The following ZNF532 variants were observed in gnomAD, a reference collection of about 807,000 sequenced individuals.
The protein encoded by ZNF532 is zinc finger protein 532.
In ZNF532, 22 loss-of-function variants were observed where a neutral mutation model predicts 89.3. The observed-to-expected ratio is 0.25, with a 90% CI of 0.18 to 0.35. The LOEUF is 0.35. Among genes scored for constraint, ZNF532 ranks in the 10% least tolerant of loss-of-function variants. The pLI is 1.00. For synonymous variants in ZNF532, 606 were observed against 649.6 expected (o/e 0.93, Z 1.02); for missense variants, 1,132 against 1,643.4 (o/e 0.69, Z 5.38).
At chr18:58,885,128 G>A (rs1362574530) in intron 2 of ZNF532, among the ~76,000 whole-genome samples, 4 of 151,818 alleles carry the variant, frequency 2.6e-5, no homozygotes, top group African/African-American at 9.7e-5. Flanking sequence ...AGCTGGGATT[G>A]CAGGCATGTG....
intron 7 of ZNF532, among the ~76,000 whole-genome samples, chr18:58,959,510 C>T (rs2065143504): frequency 6.6e-6 from 1 of 152,048 alleles, no homozygotes; most frequent in African/African-American, 2.4e-5. Context: ...CCTCGGCCTC[C>T]CAAAGTGCTG....
chr18:58,942,354 CCTTCCTTCCTTCCTTCCTTCCTTCCTT>C lies in ZNF532; in HGVS notation c.2705+2735_2705+2761del, dbSNP rs2063247945. ...CCCTCCCTCCCTCCCTCCCTCCCTT[CCTTCCTTCCTTCCTTCCTTCCTTCCTT>C]CCTTCCTTCCTTCCTTCCTTCCTTC... On this transcript the variant is annotated intron_variant, in intron 5 of 9. Coordinates refer to ENST00000591808, the MANE Select transcript of ZNF532 (RefSeq NM_001375912.1). 1.7e-4 allele frequency among the ~76,000 whole-genome samples: 10 copies of C among 60,100 alleles called. 1 individual carries two copies. Among genetic ancestry groups the C allele is most frequent in the African/African-American group, 9.2e-4 (9 of 9,804 alleles). 39.4% of individuals were successfully genotyped at this position (60,100 alleles called of 152,430 possible).
At position 58,942,045 on chromosome 18, in the gene ZNF532, CT is replaced by C. The variant is rs1256402476; in HGVS notation, c.2705+2425del. Among the ~76,000 whole-genome samples the C allele has an allele frequency of 2.5e-4, 37 of 145,566 alleles. No homozygotes were observed. In the East Asian group the frequency reaches 6.8e-3, roughly 27 times the overall value. ...TCTTTTTTTCTACCCCCGCCCCCCC[CT>C]CAGTCTCGCTGTGTCGCCCAGGCTG... is the stretch of plus-strand genomic sequence containing the variant. On this transcript the variant is annotated intron_variant, in intron 5 of 9. Transcript: ENST00000591808.
chr18:58,940,964 T>TACACACACACA (rs1568376885), intron 5 of ZNF532, among the ~76,000 whole-genome samples: 1 of 45,554 alleles, frequency 2.2e-5, no homozygotes, highest in Non-Finnish European at 4.6e-5. Flanking sequence ...ACACACTCTT[T>TACACACACACA]CTCTCTCTCT....
intron 3 of ZNF532, among the ~76,000 whole-genome samples, chr18:58,922,487 A>G (rs960223745): frequency 6.6e-6 from 1 of 152,198 alleles, no homozygotes; most frequent in Non-Finnish European, 1.5e-5. Flanking sequence ...TGGCAGTAAA[A>G]TGCTCAAAAA....
At chr18:58,923,897 C>T (rs1270237250) in intron 3 of ZNF532, among the ~76,000 whole-genome samples, 1 of 152,056 alleles carries the variant, frequency 6.6e-6, no homozygotes, top group Non-Finnish European at 1.5e-5. Context: ...CACTCTGTCG[C>T]CCAGGCTGGA....
At chr18:58,969,734 G>T (rs1460693514) in intron 7 of ZNF532, among the ~76,000 whole-genome samples, 1 of 151,862 alleles carries the variant, frequency 6.6e-6, no homozygotes, top group Non-Finnish European at 1.5e-5. Flanking sequence ...ATTTTTTATT[G>T]ATCTGATAAA....
intron 2 of ZNF532, among the ~76,000 whole-genome samples, chr18:58,889,261 A>C (rs938315785): frequency 2.0e-5 from 3 of 152,112 alleles, no homozygotes; most frequent in African/African-American, 7.2e-5. Context: ...GAAGTTAGCT[A>C]GATAGAGGTG....
intron 3 of ZNF532, 104 bp downstream of exon 3, chr18:58,920,737 TGTGTGTG>T (rs1163846020): frequency 0.012 from 35 of 3,002 alleles, no homozygotes; most frequent in Admixed American, 0.034. Context: ...GAAATGGACG[TGTGTGTG>T]TGTGTGTGTG....
intron 7 of ZNF532, among the ~76,000 whole-genome samples, chr18:58,966,738 GT>G (rs540133909): frequency 0.024 from 3,061 of 125,872 alleles, 19 homozygotes; most frequent in Non-Finnish European, 0.031. Flanking sequence ...ATTTTTTTGT[GT>G]TTTTTTTTTT....
At chr18:58,965,341 A>G (rs2065816251) in intron 7 of ZNF532, among the ~76,000 whole-genome samples, 1 of 152,180 alleles carries the variant, frequency 6.6e-6, no homozygotes, top group African/African-American at 2.4e-5. Context: ...ACAGTTACGA[A>G]TCCCACTTTT....
At chr18:58,895,070 G>A (rs2059157481) in intron 2 of ZNF532, among the ~76,000 whole-genome samples, 1 of 152,218 alleles carries the variant, frequency 6.6e-6, no homozygotes, top group East Asian at 1.9e-4. Flanking sequence ...TATCCCTGTG[G>A]CACAGAGCCA....
chr18:58,905,711 A>C (rs149331836), intron 2 of ZNF532, among the ~76,000 whole-genome samples: 2 of 152,162 alleles, frequency 1.3e-5, no homozygotes, highest in Middle Eastern at 3.4e-3. Flanking sequence ...CACTATTTCT[A>C]TCTTACTTTA....
At chr18:58,976,022 T>C (rs1373887198) in intron 7 of ZNF532, among the ~76,000 whole-genome samples, 1 of 152,204 alleles carries the variant, frequency 6.6e-6, no homozygotes, top group African/African-American at 2.4e-5. Context: ...GAGCTAGTAA[T>C]ATTGAGGAAC....
In ZNF532 at chr18:58,919,031, G is replaced by C; in HGVS notation, c.744G>C (p.Lys248Asn). Residue 248 changes from lysine to asparagine, a missense_variant, in exon 3 of 10, where the codon AAG becomes AAC. Lys to Asn is a moderately conservative substitution (Grantham distance 94). This residue lies in a region of ZNF532 where 302 missense variants were observed against 319.8 expected (regional missense o/e 0.94). Coordinates refer to ENST00000591808, the MANE Select transcript of ZNF532 (RefSeq NM_001375912.1). This position sits in a 1 kb window ranked among gnomAD's most constrained non-coding sequence, Gnocchi z 6.1. ...RVLDGKLSSEKNDTSLPSVAP... is the reference protein window; with the variant it reads ...RVLDGKLSSENNDTSLPSVAP... ...TAGATGGGAAGCTGAGCTCCGAGAA[G>C]AATGACACCAGCCTCCCCAGCGTTG... is the stretch of plus-strand genomic sequence containing the variant. 1.9e-6 allele frequency: 3 copies of C among 1,613,872 alleles called. No homozygotes were observed. The highest frequency in any genetic ancestry group is 2.5e-6 in the Non-Finnish European group (3 of 1,180,032).
At chr18:58,922,575 T>C (rs2061193979) in intron 3 of ZNF532, among the ~76,000 whole-genome samples, 1 of 152,234 alleles carries the variant, frequency 6.6e-6, no homozygotes, top group Non-Finnish European at 1.5e-5. Context: ...ATGCCTGGGT[T>C]CTGTCTACAT....
intron 7 of ZNF532, among the ~76,000 whole-genome samples, chr18:58,973,593 C>G (rs1170760323): frequency 6.6e-6 from 1 of 152,214 alleles, no homozygotes; most frequent in Non-Finnish European, 1.5e-5. Flanking sequence ...CTCTGGAAAA[C>G]AGTTAGACAG....
intron 7 of ZNF532, among the ~76,000 whole-genome samples, chr18:58,969,446 G>A (rs977995921): frequency 2.0e-5 from 3 of 152,202 alleles, no homozygotes; most frequent in East Asian, 1.9e-4. Flanking sequence ...ACAGAGGGGC[G>A]TCTTCATCGC....
At chr18:58,939,246 C>CA (rs71336307) in intron 4 of ZNF532, among the ~76,000 whole-genome samples, 199 bp from the exon 5 acceptor site, 5,430 of 34,406 alleles carry the variant, frequency 0.16, 1,629 homozygotes, top group Non-Finnish European at 0.24. Context: ...GACGTTGTCT[C>CA]AAAAAAAAAA....
Sources: allele counts gnomAD v4.1 joint callset (sites outside exome capture counted in the v4.1 genomes callset), GRCh38; gene constraint gnomAD v4.1.1; regional missense constraint gnomAD v4.1.1; non-coding constraint Gnocchi (gnomAD v3.1); transcripts MANE v1.5; gene names NCBI Gene and HGNC (gene_info 2026-07-23, HGNC 2026-07-21).